Variants in CHRM2 observed in about 807,000 individuals in gnomAD.
CHRM2 encodes the protein muscarinic acetylcholine receptor M2.
CHRM2 carries 8 observed loss-of-function variants against 25.0 expected under a neutral mutation model. The ratio of observed to expected loss-of-function variants is 0.32; its 90% confidence interval spans 0.19 to 0.58. CHRM2 has a LOEUF of 0.58. Ranked by LOEUF, CHRM2 falls within the 20% of genes least tolerant of loss-of-function variation. CHRM2 has a pLI of 0.88. For missense variants in CHRM2, 440 were observed against 567.1 expected, an observed-to-expected ratio of 0.78 and a Z score of 2.28; for synonymous variants, 202 against 205.7, an observed-to-expected ratio of 0.98 and a Z score of 0.15.
intron 2 of CHRM2, chr7:136,902,212 T>TCCATCCATCC (rs1398767340): frequency 1.5e-4 from 23 of 150,230 alleles, no homozygotes; most frequent in Admixed American, 6.7e-4. Context: ...TCGATCTATC[T>TCCATCCATCC]ATCCATCCAT....
intron 3 of CHRM2, among the ~76,000 whole-genome samples, chr7:136,997,842 A>G (rs76453713): frequency 0.02 from 3,088 of 152,250 alleles, 95 homozygotes; most frequent in African/African-American, 0.071. Context: ...ACATAGGCAG[A>G]AATTACAGTA....
chr7:137,006,170 A>C (rs1345626251), intron 3 of CHRM2, among the ~76,000 whole-genome samples: 1 of 152,178 alleles, frequency 6.6e-6, no homozygotes, highest in Non-Finnish European at 1.5e-5. Context: ...TGGATGCAGA[A>C]GTCCTCTCTC....
chr7:136,979,088 T>C (rs1584866885), intron 2 of CHRM2, among the ~76,000 whole-genome samples: 1 of 152,200 alleles, frequency 6.6e-6, no homozygotes, highest in Non-Finnish European at 1.5e-5. Context: ...GCATTCCTAT[T>C]TCTCCACATC....
chr7:137,000,187 TTTC>T (rs1226472761), intron 3 of CHRM2, among the ~76,000 whole-genome samples: 1 of 129,556 alleles, frequency 7.7e-6, no homozygotes, highest in Non-Finnish European at 1.6e-5. Flanking sequence ...CATAATTCTT[TTTC>T]TTTCTTTTTT....
Position 137,015,963 on chromosome 7 carries a change from G to A in CHRM2, c.1098G>A (p.Val366=), listed in dbSNP as rs1563129653. 2 of 1,613,060 alleles carry A rather than the reference G, an allele frequency of 1.2e-6. No homozygotes were observed. The highest frequency in any genetic ancestry group is 1.3e-5 in the African/African-American group (1 of 74,848). Residue 366 remains valine, a synonymous_variant, in exon 4 of 4, where the codon GTG becomes GTA. Transcript: ENST00000680005. This position sits in a 1 kb window ranked among gnomAD's most constrained non-coding sequence, Gnocchi z 5.1. ...AGAATATTGTAGCCCGCAAGATTGT[G>A]AAGATGACTAAGCAGCCTGCAAAAA... is the stretch of plus-strand genomic sequence containing the variant. ...EKQNIVARKI[V]KMTKQPAKKK...
At chr7:136,874,569 C>G (rs772706340) in intron 2 of CHRM2, among the ~76,000 whole-genome samples, 1 of 101,228 alleles carries the variant, frequency 9.9e-6, no homozygotes, top group African/African-American at 3.9e-5. Flanking sequence ...CTCTCTCTGC[C>G]CCCCCTCTCT....
At chr7:136,887,872 CAG>C (rs1796530125) in intron 2 of CHRM2, among the ~76,000 whole-genome samples, 1 of 152,046 alleles carries the variant, frequency 6.6e-6, no homozygotes. Context: ...TTTGAAGAAA[CAG>C]ATGTGAAGAG....
intron 2 of CHRM2, among the ~76,000 whole-genome samples, chr7:136,885,752 T>G (rs898881546): frequency 2.0e-5 from 3 of 152,132 alleles, no homozygotes; most frequent in African/African-American, 7.2e-5. Context: ...TCAGAGACAT[T>G]AAAACTCCTT....
intron 2 of CHRM2, among the ~76,000 whole-genome samples, chr7:136,943,586 A>T (rs558434413): frequency 2.1e-4 from 32 of 152,130 alleles, no homozygotes; most frequent in Non-Finnish European, 4.0e-4. Context: ...TATTTTGTTG[A>T]TCAAAAGTCT....
At chr7:136,874,769 A>C (rs1795982215) in intron 2 of CHRM2, among the ~76,000 whole-genome samples, 1 of 152,110 alleles carries the variant, frequency 6.6e-6, no homozygotes, top group Non-Finnish European at 1.5e-5. Context: ...AAGCAAAGAG[A>C]TTAGTAGAAT....
At chr7:136,971,608 C>G (rs1030151320) in intron 2 of CHRM2, among the ~76,000 whole-genome samples, 5 of 117,042 alleles carry the variant, frequency 4.3e-5, no homozygotes, top group Non-Finnish European at 8.5e-5. Flanking sequence ...CAGAGTAAGA[C>G]TCTGTTTCAC....
intron 2 of CHRM2, among the ~76,000 whole-genome samples, chr7:136,940,091 T>A (rs1799676140): frequency 6.6e-6 from 1 of 152,188 alleles, no homozygotes; most frequent in Non-Finnish European, 1.5e-5. Flanking sequence ...GTAAGCAACA[T>A]CAGTAGGTTT....
chr7:136,992,824 G>T (rs1803321024), intron 3 of CHRM2, among the ~76,000 whole-genome samples: 1 of 152,080 alleles, frequency 6.6e-6, no homozygotes, highest in Admixed American at 6.6e-5. Flanking sequence ...CATTAAGGCA[G>T]GCCAGCAGGC....
intron 2 of CHRM2, among the ~76,000 whole-genome samples, chr7:136,965,585 A>G (rs922159808): frequency 6.6e-6 from 1 of 152,098 alleles, no homozygotes; most frequent in Non-Finnish European, 1.5e-5. Flanking sequence ...AAATAAATGG[A>G]ATGGTCTAGA....
chr7:136,908,493 G>C (rs956612722), intron 2 of CHRM2, among the ~76,000 whole-genome samples: 3 of 151,902 alleles, frequency 2.0e-5, no homozygotes, highest in African/African-American at 4.8e-5. Context: ...ATAGACTGTG[G>C]TGAAGATTTG....
At chr7:137,004,053 T>C (rs749671111) in intron 3 of CHRM2, among the ~76,000 whole-genome samples, 1 of 152,136 alleles carries the variant, frequency 6.6e-6, no homozygotes, top group Non-Finnish European at 1.5e-5. Flanking sequence ...GTCTTGGGTA[T>C]TTCTTCATAG....
chr7:136,980,536 A>G (rs1201726228), intron 2 of CHRM2, among the ~76,000 whole-genome samples: 1 of 152,206 alleles, frequency 6.6e-6, no homozygotes, highest in East Asian at 1.9e-4. Context: ...TTCAAAGGAA[A>G]TGCTTCCAGC....
chr7:137,010,739 C>A lies in CHRM2; in HGVS notation c.-46-4081C>A, dbSNP rs118008438. ...AAAAATTCAGAGACTGTAATAGCAACTAAGTTTGTTAACATTACATAAATT... is the reference window on the plus strand; with the variant it reads ...AAAAATTCAGAGACTGTAATAGCAAATAAGTTTGTTAACATTACATAAATT... On this transcript the variant is annotated intron_variant, in intron 3 of 3. Coordinates refer to ENST00000680005, the MANE Select transcript of CHRM2 (RefSeq NM_001006630.2). 6.6e-5 allele frequency among the ~76,000 whole-genome samples: 10 copies of A among 152,066 alleles called. No homozygotes were observed. The East Asian group carries it at 1.8e-3, about 27-fold the overall frequency.
chr7:136,897,137 A>G, intron 2 of CHRM2, among the ~76,000 whole-genome samples: 1 of 151,722 alleles, frequency 6.6e-6, no homozygotes, highest in East Asian at 1.9e-4. Context: ...GGCCAAAAAA[A>G]AAAAAAAAAG....
Sources: gnomAD v4.1 joint callset for allele counts (sites outside exome capture counted in the v4.1 genomes callset) on GRCh38, gnomAD v4.1.1 for gene constraint, Gnocchi (gnomAD v3.1) non-coding constraint, MANE v1.5 for transcripts, NCBI Gene and HGNC (gene_info 2026-07-23, HGNC 2026-07-21) for gene names.